ESRRG: variants seen among roughly 807,000 people sequenced by gnomAD.
The protein encoded by ESRRG is estrogen-related receptor gamma.
In ESRRG, 13 loss-of-function variants were observed where a neutral mutation model predicts 44.0. The ratio of observed to expected loss-of-function variants is 0.30; its 90% confidence interval spans 0.19 to 0.47. The LOEUF (loss-of-function observed/expected upper bound fraction) is 0.47. Ranked by LOEUF, ESRRG falls within the 20% of genes least tolerant of loss-of-function variation. The pLI is 1.00. For synonymous variants in ESRRG, 215 were observed against 214.6 expected (o/e 1.00, Z -0.02); for missense variants, 395 against 580.6 (o/e 0.68, Z 3.29).
intron 1 of ESRRG, among the ~76,000 whole-genome samples, chr1:216,683,382 T>C (rs1234484888): frequency 2.0e-5 from 3 of 152,238 alleles, no homozygotes; most frequent in Admixed American, 6.5e-5. Flanking sequence ...AGAATGGATT[T>C]CTGTATACCA....
intron 2 of ESRRG, among the ~76,000 whole-genome samples, chr1:216,840,134 C>G (rs537227720): frequency 6.6e-6 from 1 of 152,196 alleles, no homozygotes; most frequent in East Asian, 1.9e-4. Context: ...AAGGCTGTTT[C>G]ATCTACACTG....
rs866420742 is a variant in ESRRG, at chr1:216,505,388, C to T, written c.*1551G>A. ...CTGCAGATTAATTTAAACGAACATT[C>T]CTAAATGAATAAACTTATATGGATT... is the stretch of plus-strand genomic sequence containing the variant. On this transcript the variant is annotated 3_prime_UTR_variant, in exon 7 of 7. Coordinates refer to ENST00000408911, the MANE Select transcript of ESRRG (RefSeq NM_001438.4). The T allele has an allele frequency of 6.6e-6, 1 of 152,452 alleles. No individual in the cohort carries two copies. The highest frequency in any genetic ancestry group is 6.6e-5 in the Admixed American group (1 of 15,256). The allele number at this position is 152,452 out of a possible 1,614,324, so 9.4% of individuals were successfully genotyped here. A position where few individuals can be genotyped will look rare whatever the true frequency, so the allele number is the denominator to read the frequency against.
At chr1:216,944,708 G>A (rs1209760294) in intron 1 of ESRRG, among the ~76,000 whole-genome samples, 1 of 152,164 alleles carries the variant, frequency 6.6e-6, no homozygotes, top group Non-Finnish European at 1.5e-5. Flanking sequence ...AATCACAATA[G>A]ACCAGTCTAA....
intron 5 of ESRRG, among the ~76,000 whole-genome samples, chr1:216,523,211 T>C (rs924924634): frequency 6.6e-6 from 1 of 152,096 alleles, no homozygotes; most frequent in Non-Finnish European, 1.5e-5. Flanking sequence ...TGTCCCAGAG[T>C]CAGTGCCATT....
chr1:217,134,712 C>A (rs12563911), intron 1 of ESRRG, among the ~76,000 whole-genome samples: 14 of 152,186 alleles, frequency 9.2e-5, no homozygotes, highest in Non-Finnish European at 1.6e-4. Flanking sequence ...GCGTGTTTGG[C>A]GCGGCTACGT....
At chr1:216,803,173 C>T (rs932211022) in intron 2 of ESRRG, among the ~76,000 whole-genome samples, 2 of 152,004 alleles carry the variant, frequency 1.3e-5, no homozygotes, top group Non-Finnish European at 2.9e-5. Flanking sequence ...GTGGAGGGAA[C>T]GGAATGCTGG....
chr1:216,956,099 C>T (rs182434630), intron 1 of ESRRG, among the ~76,000 whole-genome samples: 3 of 152,196 alleles, frequency 2.0e-5, no homozygotes, highest in East Asian at 3.9e-4. Flanking sequence ...TACAGTCTTA[C>T]ATACAAAATC....
chr1:216,982,912 A>C (rs912318024), intron 1 of ESRRG, among the ~76,000 whole-genome samples: 5 of 152,154 alleles, frequency 3.3e-5, no homozygotes, highest in African/African-American at 1.2e-4. Flanking sequence ...CTTCACACAC[A>C]AGATAACATG....
intron 2 of ESRRG, among the ~76,000 whole-genome samples, chr1:216,672,125 AT>A (rs1245634155): frequency 6.6e-6 from 1 of 152,146 alleles, no homozygotes; most frequent in African/African-American, 2.4e-5. Context: ...TGGAAAAAAA[AT>A]CAGAAGAATA....
intron 1 of ESRRG, among the ~76,000 whole-genome samples, chr1:216,687,476 A>C (rs1338411993): frequency 6.6e-6 from 1 of 151,964 alleles, no homozygotes; most frequent in Non-Finnish European, 1.5e-5. Flanking sequence ...TTTTGGAGTG[A>C]TTTTTTCCCT....
chr1:217,079,820 A>G (rs1029421295), intron 1 of ESRRG, among the ~76,000 whole-genome samples: 5 of 152,226 alleles, frequency 3.3e-5, no homozygotes, highest in Admixed American at 1.3e-4. Flanking sequence ...CACAAAGTCA[A>G]TTAAGACATG....
rs542466421 is a variant in ESRRG, at chr1:216,749,144, A to AAT, written c.-13-71655_-13-71654dup. On this transcript the variant is annotated intron_variant, in intron 2 of 7. Coordinates refer to the ESRRG transcript ENST00000359162. ...GGAACTTGCACAGTTAAGGTGTCTA[A>AAT]ATATTTTTTTTTTTGCACTGTTATG... 3.1e-4 allele frequency among the ~76,000 whole-genome samples: 20 copies of AAT among 65,134 alleles called. No individual in the cohort carries two copies. The South Asian group carries it at 0.021, about 68-fold the overall frequency. 42.7% of individuals were successfully genotyped at this position (65,134 alleles called of 152,430 possible).
At chr1:217,089,717 C>T (rs1034435495), upstream of ESRRG, 1 of 152,088 alleles carries the variant, frequency 6.6e-6, no homozygotes, top group Non-Finnish European at 1.5e-5. Context: ...CACGGCCCCC[C>T]GCTCTGCCCC....
chr1:216,933,589 C>T (rs2063683351), intron 2 of ESRRG, among the ~76,000 whole-genome samples: 1 of 152,052 alleles, frequency 6.6e-6, no homozygotes, highest in South Asian at 2.1e-4. Flanking sequence ...ACTTTCCGTA[C>T]CTCAAGAACA....
In ESRRG at chr1:216,564,300, C is replaced by G. The variant is rs770733689; in HGVS notation, c.781G>C (p.Asp261His). The G allele has an allele frequency of 1.9e-6, 3 of 1,611,822 alleles. No homozygotes were observed. The highest frequency in any genetic ancestry group is 2.5e-6 in the Non-Finnish European group (3 of 1,178,528). Residue 261 changes from aspartate (D) to histidine (H), a missense_variant, in exon 5 of 7, where the codon GAC becomes CAC. Physicochemically the swap from Asp to His is moderately conservative, Grantham distance 81. Coordinates refer to ENST00000408911, the MANE Select transcript of ESRRG (RefSeq NM_001438.4). ...AMPDPTVPDS[D>H]IKALTTLCDL... Reference sequence around the variant, plus strand: ...CACAGTGTAGTGAGGGCTTTGATGTCACTGTCGGGGACAGTAGGGTCAGGC... The same window carrying G: ...CACAGTGTAGTGAGGGCTTTGATGTGACTGTCGGGGACAGTAGGGTCAGGC...
chr1:216,854,471 C>T (rs897218664), intron 2 of ESRRG, among the ~76,000 whole-genome samples: 11 of 151,166 alleles, frequency 7.3e-5, no homozygotes, highest in South Asian at 4.2e-4. Flanking sequence ...CATTTTTACA[C>T]GCCTTGAAGC....
At chr1:216,618,327 A>G (rs1171250081) in intron 3 of ESRRG, among the ~76,000 whole-genome samples, 1 of 152,222 alleles carries the variant, frequency 6.6e-6, no homozygotes, top group Non-Finnish European at 1.5e-5. Context: ...TTTTTGGACC[A>G]GCTGCAACAT....
intron 2 of ESRRG, among the ~76,000 whole-genome samples, chr1:216,749,177 T>C (rs1170771381): frequency 1.3e-5 from 2 of 151,488 alleles, no homozygotes. Context: ...ATGCCATCAC[T>C]TAAGGATCAA....
At chr1:216,802,153 G>C (rs192783228) in intron 2 of ESRRG, among the ~76,000 whole-genome samples, 2 of 152,250 alleles carry the variant, frequency 1.3e-5, no homozygotes, top group East Asian at 3.9e-4. Context: ...AAACTAGGCT[G>C]TGATGCTATG....
Sources: gnomAD v4.1 joint callset for allele counts (sites outside exome capture counted in the v4.1 genomes callset) on GRCh38, gnomAD v4.1.1 for gene constraint, MANE v1.5 for transcripts, NCBI Gene and HGNC (gene_info 2026-07-23, HGNC 2026-07-21) for gene names.